The following ACMSD variants were observed in gnomAD, a reference collection of about 807,000 sequenced individuals.
The protein encoded by ACMSD is 2-amino-3-carboxymuconate-6-semialdehyde decarboxylase.
ACMSD carries 37 observed loss-of-function variants against 45.9 expected under a neutral mutation model. That is an observed-to-expected ratio of 0.81 (90% CI 0.62 to 1.06). The LOEUF (loss-of-function observed/expected upper bound fraction) is 1.06, where lower values mean the gene tolerates loss of function less well. Among genes scored for constraint, ACMSD ranks in the 50% least tolerant of loss-of-function variants. The pLI, the probability that ACMSD is intolerant of heterozygous loss-of-function variation, is 0.00. For synonymous variants in ACMSD, 138 were observed against 148.8 expected (o/e 0.93, Z 0.53); for missense variants, 434 against 420.9 (o/e 1.03, Z -0.27).
rs554700763 is a variant in ACMSD, at chr2:134,840,120, C to G, written c.57+1381C>G. 3.7e-5 allele frequency among the ~76,000 whole-genome samples: 4 copies of G among 107,102 alleles called. No homozygotes were observed. In the East Asian group the frequency reaches 1.2e-3, roughly 33 times the overall value. 70.3% of individuals were successfully genotyped at this position (107,102 alleles called of 152,430 possible). A position where few individuals can be genotyped will look rare whatever the true frequency, so the allele number is the denominator to read the frequency against. ...CTAATCTGAGAGTTTTAGAAAAATC[C>G]AAATTTTAGTATTTGGTATTTTAAA... On this transcript the variant is annotated intron_variant, in intron 1 of 9. Transcript: ENST00000356140.
At chr2:134,898,883 G>GT (rs1690339738) in intron 9 of ACMSD, among the ~76,000 whole-genome samples, 1 of 151,698 alleles carries the variant, frequency 6.6e-6, no homozygotes. Context: ...TTTTCCCGGC[G>GT]TTTGACTTTT....
chr2:134,892,056 A>G (rs1357777134), intron 8 of ACMSD, among the ~76,000 whole-genome samples: 1 of 152,194 alleles, frequency 6.6e-6, no homozygotes, highest in East Asian at 1.9e-4. Context: ...AGTATGGAAA[A>G]ATAGATACTG....
intron 3 of ACMSD, among the ~76,000 whole-genome samples, chr2:134,861,420 T>C (rs544158117): frequency 9.2e-5 from 14 of 152,296 alleles, no homozygotes; most frequent in Admixed American, 8.5e-4. Flanking sequence ...CATTGAGTAT[T>C]TACTTTGTGC....
intron 8 of ACMSD, among the ~76,000 whole-genome samples, chr2:134,889,607 G>A (rs1005038614): frequency 2.0e-5 from 3 of 152,112 alleles, no homozygotes; most frequent in African/African-American, 7.2e-5. Flanking sequence ...TGTTTACATA[G>A]CAACATTGTA....
intron 2 of ACMSD, among the ~76,000 whole-genome samples, chr2:134,847,451 T>TAGATATAGATAG (rs1559039363): frequency 4.9e-4 from 71 of 143,976 alleles, no homozygotes; most frequent in African/African-American, 1.7e-3. Flanking sequence ...TAGATAGATA[T>TAGATATAGATAG]AGATAGAGAT....
rs527700659 is a variant in ACMSD at position 134,884,968 on chromosome 2, G to A, written c.849+12327G>A. Among the ~76,000 whole-genome samples, 15 of 151,696 alleles carry A rather than the reference G, an allele frequency of 9.9e-5. No individual in the cohort carries two copies. The East Asian group carries it at 2.7e-3, about 27-fold the overall frequency. ...CCTAGCACTTTGGGAGGTTGAGGTG[G>A]GTGGATCACTTGAGCTCAGGAGTTT... On this transcript the variant is annotated intron_variant, in intron 8 of 9. Transcript: ENST00000356140.
chr2:134,843,735 T>C (rs146127353), intron 1 of ACMSD, among the ~76,000 whole-genome samples: 8 of 152,342 alleles, frequency 5.3e-5, no homozygotes, highest in African/African-American at 1.9e-4. Flanking sequence ...CTCATGTAGC[T>C]ATCTCCTGCC....
intron 8 of ACMSD, among the ~76,000 whole-genome samples, chr2:134,883,262 A>C (rs1689146316): frequency 1.3e-5 from 2 of 151,804 alleles, no homozygotes; most frequent in Non-Finnish European, 3.0e-5. Flanking sequence ...CTGGGATCAC[A>C]GACAAAAAAA....
chr2:134,880,681 A>G (rs1267975559), intron 8 of ACMSD, among the ~76,000 whole-genome samples: 1 of 151,770 alleles, frequency 6.6e-6, no homozygotes, highest in African/African-American at 2.4e-5. Flanking sequence ...AGGAAGTTTG[A>G]TTATCCCTGC....
chr2:134,881,816 T>A (rs1204941277), intron 8 of ACMSD, among the ~76,000 whole-genome samples: 1 of 151,844 alleles, frequency 6.6e-6, no homozygotes, highest in Non-Finnish European at 1.5e-5. Flanking sequence ...GGTGAAACCC[T>A]GTCTCTACTA....
intron 4 of ACMSD, among the ~76,000 whole-genome samples, chr2:134,862,340 C>G (rs958911974): frequency 6.6e-6 from 1 of 152,148 alleles, no homozygotes; most frequent in African/African-American, 2.4e-5. Flanking sequence ...GGGGAACTGA[C>G]AAGCTAATAT....
At chr2:134,859,671 A>G in intron 3 of ACMSD, 1 of 192,606 alleles carries the variant, frequency 5.2e-6, no homozygotes, top group Non-Finnish European at 1.0e-5. Flanking sequence ...AAATCAATTA[A>G]AATAGTAAAA....
chr2:134,867,429 A>C (rs1688152802), intron 5 of ACMSD, 150 bp from the exon 6 acceptor site: 6 of 561,210 alleles, frequency 1.1e-5, no homozygotes, highest in Non-Finnish European at 1.9e-5. Flanking sequence ...TATCTCTTCT[A>C]TATAGATCAT....
At chr2:134,849,685 G>A (rs1042622320) in intron 2 of ACMSD, among the ~76,000 whole-genome samples, 7 of 152,094 alleles carry the variant, frequency 4.6e-5, no homozygotes, top group African/African-American at 1.7e-4. Context: ...CAAATTGAGG[G>A]GTAGTCATTT....
Position 134,867,573 on chromosome 2 carries a change from T to C in ACMSD, c.487-6T>C, listed in dbSNP as rs2104870046. The C allele has an allele frequency of 6.2e-7, 1 of 1,613,092 alleles. No individual in the cohort carries two copies. Among genetic ancestry groups the C allele is most frequent in the Non-Finnish European group, 8.5e-7 (1 of 1,179,198 alleles). ...CCTCTCTCTCTCTCTCATTGCTTCT[T>C]TGAAGGCAGCCGAAAGGCTGAAGTG... On this transcript the variant is annotated splice_polypyrimidine_tract_variant and splice_region_variant and intron_variant, in intron 5 of 9. Transcript: ENST00000356140.
intron 5 of ACMSD, among the ~76,000 whole-genome samples, chr2:134,866,812 C>T (rs1688121411): frequency 6.6e-6 from 1 of 152,194 alleles, no homozygotes; most frequent in African/African-American, 2.4e-5. Flanking sequence ...TCATTCCATC[C>T]AGATGGTATT....
At chr2:134,881,591 G>A (rs963586284) in intron 8 of ACMSD, among the ~76,000 whole-genome samples, 4 of 152,146 alleles carry the variant, frequency 2.6e-5, no homozygotes, top group Non-Finnish European at 4.4e-5. Flanking sequence ...GGGCAAGGGT[G>A]ATCCAAAAGC....
intron 1 of ACMSD, 112 bp downstream of exon 1, chr2:134,838,851 A>AG: frequency 1.4e-6 from 1 of 718,864 alleles, no homozygotes. Context: ...GTGGGGGGCG[A>AG]GGGGGTTAAA....
chr2:134,840,102 G>A (rs1251814639), intron 1 of ACMSD, among the ~76,000 whole-genome samples: 1 of 128,332 alleles, frequency 7.8e-6, no homozygotes, highest in Non-Finnish European at 1.6e-5. Context: ...TCCCTAATCT[G>A]AGAGTTTTAG....
Sources: allele counts gnomAD v4.1 joint callset (sites outside exome capture counted in the v4.1 genomes callset), GRCh38; gene constraint gnomAD v4.1.1; transcripts MANE v1.5; gene names NCBI Gene and HGNC (gene_info 2026-07-23, HGNC 2026-07-21).